CCDC14: variants seen among roughly 807,000 people sequenced by gnomAD.
CCDC14 encodes coiled-coil domain containing 14.
CCDC14 carries 71 observed loss-of-function variants against 81.4 expected under a neutral mutation model. That is an observed-to-expected ratio of 0.87 (90% confidence interval 0.72 to 1.06). The LOEUF is 1.06. CCDC14 is among the 50% of genes least tolerant of loss of function. The pLI is 0.00. For synonymous variants in CCDC14, 332 were observed against 364.8 expected (o/e 0.91, Z 1.03); for missense variants, 1,046 against 1,047.3 (o/e 1.00, Z 0.02).
intron 7 of CCDC14, 101 bp from the exon 8 acceptor site, chr3:123,947,420 TTTA>T (rs2036716828): frequency 4.0e-6 from 3 of 752,504 alleles, no homozygotes; most frequent in Admixed American, 6.0e-5. Flanking sequence ...TTAAAACATG[TTTA>T]TTAATATATT....
intron 5 of CCDC14, among the ~76,000 whole-genome samples, chr3:123,905,806 G>T (rs2034294375): frequency 6.6e-6 from 1 of 152,132 alleles, no homozygotes; most frequent in Non-Finnish European, 1.5e-5. Flanking sequence ...ACGTGCACAG[G>T]CTTAACAGTC....
At chr3:123,938,972 C>T (rs879774783) in intron 9 of CCDC14, among the ~76,000 whole-genome samples, 11 of 152,002 alleles carry the variant, frequency 7.2e-5, no homozygotes, top group East Asian at 1.9e-4. Flanking sequence ...ATAATTTCCA[C>T]GGTTGTCTTA....
intron 5 of CCDC14, among the ~76,000 whole-genome samples, chr3:123,905,550 G>GA (rs1046061604): frequency 2.0e-5 from 3 of 150,892 alleles, no homozygotes; most frequent in Non-Finnish European, 4.4e-5. Flanking sequence ...TAGAGCTCAG[G>GA]AAAAAAAAAG....
intron 5 of CCDC14, among the ~76,000 whole-genome samples, chr3:123,903,312 ACACACACACACACACACACACACACACAC>A (rs2034218444): frequency 4.4e-5 from 2 of 45,856 alleles, no homozygotes; most frequent in Non-Finnish European, 2.5e-4. Context: ...ACACACACAC[ACACACACACACACACACACACACACACAC>A]ACGACAAGCC....
chr3:123,886,090 A>G, the CCDC14 span, among the ~76,000 whole-genome samples: 1 of 152,016 alleles, frequency 6.6e-6, no homozygotes, highest in African/African-American at 2.4e-5. Context: ...TTTGGCCAGT[A>G]GGAGCTTCTT....
chr3:123,898,968 C>T (rs1290492521), intron 5 of CCDC14, among the ~76,000 whole-genome samples: 1 of 150,930 alleles, frequency 6.6e-6, no homozygotes, highest in Non-Finnish European at 1.5e-5. Flanking sequence ...GATCTGCCCT[C>T]CTTGGCCTCC....
chr3:123,950,037 A>G (rs1037290982), intron 5 of CCDC14, among the ~76,000 whole-genome samples: 1 of 152,208 alleles, frequency 6.6e-6, no homozygotes, highest in Non-Finnish European at 1.5e-5. Flanking sequence ...TAACAAAGTA[A>G]TAAGTAAAAA....
chr3:123,902,942 A>G (rs1431721318), intron 5 of CCDC14, among the ~76,000 whole-genome samples: 6 of 151,866 alleles, frequency 4.0e-5, no homozygotes. Flanking sequence ...TGCATTAGGT[A>G]TTTGTCCTAA....
chr3:123,927,289 T>C (rs1276215178), intron 12 of CCDC14, among the ~76,000 whole-genome samples: 1 of 149,856 alleles, frequency 6.7e-6, no homozygotes, highest in African/African-American at 2.4e-5. Flanking sequence ...CAGTGGCATG[T>C]GCCTGTGGTC....
chr3:123,904,408 G>C (rs1002667031), intron 5 of CCDC14, among the ~76,000 whole-genome samples: 1 of 152,074 alleles, frequency 6.6e-6, no homozygotes, highest in Non-Finnish European at 1.5e-5. Context: ...ACTAGTATGA[G>C]GAGAGAAGGT....
At chr3:123,923,865 C>T (rs1211931971) in intron 12 of CCDC14, among the ~76,000 whole-genome samples, 8 of 151,112 alleles carry the variant, frequency 5.3e-5, no homozygotes, top group Admixed American at 5.3e-4. Context: ...AATATTCATG[C>T]TACCCAAAAT....
Position 123,914,633 on chromosome 3 carries a change from A to C in CCDC14, c.*146T>G, listed in dbSNP as rs924672867. The C allele has an allele frequency of 3.0e-6, 4 of 1,348,988 alleles. No individual in the cohort carries two copies. Among genetic ancestry groups the C allele is most frequent in the Non-Finnish European group, 3.8e-6 (4 of 1,053,620 alleles). 83.6% of individuals were successfully genotyped at this position (1,348,988 alleles called of 1,614,324 possible). A position where few individuals can be genotyped will look rare whatever the true frequency, so the allele number is the denominator to read the frequency against. ...TTTTTATAAGCTCCTCAGTGTCAAT[A>C]TATCTCAACAATACATTTATTACTT... On this transcript the variant is annotated 3_prime_UTR_variant, in exon 13 of 13. Coordinates refer to ENST00000409697, the MANE Select transcript of CCDC14 (RefSeq NM_001366335.1).
intron 12 of CCDC14, among the ~76,000 whole-genome samples, chr3:123,929,379 T>C (rs1255368354): frequency 2.0e-5 from 3 of 152,142 alleles, no homozygotes; most frequent in Non-Finnish European, 2.9e-5. Flanking sequence ...GGCATGATAG[T>C]GGCTCACCGC....
intron 9 of CCDC14, among the ~76,000 whole-genome samples, chr3:123,938,178 C>T (rs1434549475): frequency 1.3e-5 from 2 of 151,670 alleles, no homozygotes; most frequent in African/African-American, 4.8e-5. Context: ...AAAAAGCATG[C>T]TTGGGTTTTT....
intron 12 of CCDC14, among the ~76,000 whole-genome samples, chr3:123,923,156 T>G (rs749463468): frequency 5.9e-5 from 9 of 152,050 alleles, no homozygotes; most frequent in Non-Finnish European, 1.3e-4. Flanking sequence ...ATATACCACA[T>G]TAACAGAATG....
rs2148961779 is a variant in CCDC14, at chr3:123,956,391, A to G, written c.123T>C (p.Asp41=). Residue 41 remains aspartate (D), a synonymous_variant, in exon 3 of 13, where the codon GAT becomes GAC. Transcript: ENST00000409697. ...YLRKIPRFNA[D]SGYSIHSDSE... ...AATCAGAATGGATGGAATAGCCAGA[A>G]TCTGCATTAAAACGTGGTATTTTTC... 2 of 1,548,314 alleles carry G rather than the reference A, an allele frequency of 1.3e-6. No individual in the cohort carries two copies.
chr3:123,887,478 AAC>A, the CCDC14 span, among the ~76,000 whole-genome samples: 1,258 of 58,352 alleles, frequency 0.022, 24 homozygotes, highest in African/African-American at 0.1. Flanking sequence ...TAACAACAAC[AAC>A]AAAAAAAAAA....
intron 9 of CCDC14, among the ~76,000 whole-genome samples, chr3:123,942,729 A>G (rs917070180): frequency 2.0e-5 from 3 of 152,056 alleles, no homozygotes; most frequent in African/African-American, 4.8e-5. Context: ...ATGTACTCCA[A>G]TATTTTGCAA....
downstream of CCDC14, among the ~76,000 whole-genome samples, chr3:123,894,691 T>G (rs926846222): frequency 6.6e-6 from 1 of 152,264 alleles, no homozygotes. Context: ...CTAAGTATTT[T>G]ATCCTTTTTG....
Sources: allele counts gnomAD v4.1 joint callset (sites outside exome capture counted in the v4.1 genomes callset), GRCh38; gene constraint gnomAD v4.1.1; transcripts MANE v1.5; gene names NCBI Gene and HGNC (gene_info 2026-07-23, HGNC 2026-07-21).